Variants in EYS observed in about 807,000 individuals in gnomAD.
EYS encodes the protein protein eyes shut homolog.
Under a neutral mutation model 282.1 loss-of-function variants are expected in EYS, and 250 were observed. The observed-to-expected ratio is 0.89, with a 90% CI of 0.80 to 0.98. The LOEUF (loss-of-function observed/expected upper bound fraction) is 0.98. Ranked by LOEUF, EYS falls within the 50% of genes least tolerant of loss-of-function variation. The probability of loss-of-function intolerance (pLI) is 0.00; values close to 1 mark genes in which losing one functional copy is unlikely to be tolerated. For synonymous variants in EYS, 1,355 were observed against 1,282.9 expected, an observed-to-expected ratio of 1.06 and a Z score of -1.20; for missense variants, 4,016 against 3,709.0, an observed-to-expected ratio of 1.08 and a Z score of -2.15.
In EYS at chr6:65,413,146, T is replaced by C. The variant is rs185782526; in HGVS notation, c.863-7779A>G. Among the ~76,000 whole-genome samples the C allele has an allele frequency of 1.2e-4, 18 of 152,290 alleles. No individual in the cohort carries two copies. In the East Asian group the frequency reaches 3.3e-3, roughly 28 times the overall value. On this transcript the variant is annotated intron_variant, in intron 5 of 42. Transcript: ENST00000503581. ...AATGGAATGTTTGATGAAAAGAAAATGATCATATATGCCTAGACCCCCAAA... is the reference window on the plus strand; with the variant it reads ...AATGGAATGTTTGATGAAAAGAAAACGATCATATATGCCTAGACCCCCAAA...
intron 13 of EYS, among the ~76,000 whole-genome samples, chr6:65,010,637 A>C (rs755269858): frequency 6.6e-6 from 1 of 152,228 alleles, no homozygotes; most frequent in Non-Finnish European, 1.5e-5. Context: ...GGTCAGTGAT[A>C]ATGGAATACT....
At chr6:64,252,501 G>A (rs957403846) in intron 30 of EYS, among the ~76,000 whole-genome samples, 3 of 152,142 alleles carry the variant, frequency 2.0e-5, no homozygotes, top group South Asian at 2.1e-4. Context: ...ATGTTAAAAT[G>A]TAACCTGTTC....
intron 12 of EYS, among the ~76,000 whole-genome samples, chr6:65,174,008 T>A (rs1310327828): frequency 6.6e-6 from 1 of 151,078 alleles, no homozygotes; most frequent in Non-Finnish European, 1.5e-5. Flanking sequence ...TCTGACTTCA[T>A]AAAGATTGAA....
intron 24 of EYS, among the ~76,000 whole-genome samples, chr6:64,596,048 A>G (rs1307884443): frequency 6.6e-6 from 1 of 152,066 alleles, no homozygotes; most frequent in African/African-American, 2.4e-5. Flanking sequence ...TCACATGACA[A>G]AAGCAGGAGC....
At chr6:65,058,581 C>A (rs1019349469) in intron 12 of EYS, among the ~76,000 whole-genome samples, 17 of 150,892 alleles carry the variant, frequency 1.1e-4, no homozygotes, top group African/African-American at 3.4e-4. Context: ...TGATGAATTA[C>A]TTTTTTTCTA....
intron 22 of EYS, among the ~76,000 whole-genome samples, chr6:64,743,263 A>G (rs1409217430): frequency 6.6e-6 from 1 of 152,130 alleles, no homozygotes; most frequent in Non-Finnish European, 1.5e-5. Flanking sequence ...TAGTGCCTAC[A>G]GAACCATGGG....
Position 64,829,786 on chromosome 6 carries a change from G to T in EYS, c.2993-6964C>A, listed in dbSNP as rs570863735. On this transcript the variant is annotated intron_variant, in intron 19 of 42. Transcript: ENST00000503581. ...TAATATATGGAATTGGGAACCAGGGGGTAAAAGTGAGTGAACCGATGTGCC... is the reference window on the plus strand; with the variant it reads ...TAATATATGGAATTGGGAACCAGGGTGTAAAAGTGAGTGAACCGATGTGCC... Among the ~76,000 whole-genome samples, 22 of 152,014 alleles carry T rather than the reference G, an allele frequency of 1.4e-4. No individual in the cohort carries two copies. The East Asian group carries it at 4.1e-3, about 28-fold the overall frequency.
rs567239529 is a variant in EYS, at chr6:64,243,720, T to TA, written c.6192-12897dup. Among the ~76,000 whole-genome samples, 11 of 152,280 alleles carry TA rather than the reference T, an allele frequency of 7.2e-5. No individual in the cohort carries two copies. In the East Asian group the frequency reaches 1.9e-3, roughly 27 times the overall value. On this transcript the variant is annotated intron_variant, in intron 30 of 42. Coordinates refer to ENST00000503581, the MANE Select transcript of EYS (RefSeq NM_001142800.2). ...CAAATCATGTTATAAAAATTGCTAT[T>TA]AAACAAAACTAAAATACAACAACAT...
chr6:64,513,079 C>T (rs1777457569), intron 26 of EYS, among the ~76,000 whole-genome samples: 1 of 151,186 alleles, frequency 6.6e-6, no homozygotes, highest in Admixed American at 6.6e-5. Flanking sequence ...TCTACTTATA[C>T]TTCTATATAA....
chr6:65,062,132 T>C (rs960070788), intron 12 of EYS, among the ~76,000 whole-genome samples: 3 of 151,872 alleles, frequency 2.0e-5, no homozygotes, highest in African/African-American at 7.2e-5. Context: ...CAAATCAAAA[T>C]TTCTCCAGTC....
chr6:64,322,948 C>T (rs558701520), intron 29 of EYS, among the ~76,000 whole-genome samples: 4 of 152,216 alleles, frequency 2.6e-5, no homozygotes, highest in East Asian at 1.9e-4. Context: ...ACAATCTCTA[C>T]AGCACCTACC....
At chr6:65,325,108 T>TA (rs774107988) in intron 11 of EYS, among the ~76,000 whole-genome samples, 106 of 152,210 alleles carry the variant, frequency 7.0e-4, no homozygotes, top group Non-Finnish European at 1.2e-3. Flanking sequence ...CAAGGGGAAT[T>TA]CACATTTAGA....
chr6:65,337,152 T>C (rs1181844638), intron 10 of EYS, among the ~76,000 whole-genome samples: 1 of 151,506 alleles, frequency 6.6e-6, no homozygotes, highest in Non-Finnish European at 1.5e-5. Context: ...TAGAATCAAA[T>C]GAGAATCTGT....
At chr6:64,789,885 AT>A (rs1774135527) in intron 22 of EYS, among the ~76,000 whole-genome samples, 1 of 25,724 alleles carries the variant, frequency 3.9e-5, no homozygotes, top group Admixed American at 8.1e-4. Flanking sequence ...AAGTTGTATG[AT>A]ATATATATAT....
In EYS at chr6:64,193,199, T is replaced by C. The variant is rs571513715; in HGVS notation, c.6424+37393A>G. On this transcript the variant is annotated intron_variant, in intron 31 of 42. Transcript: ENST00000503581. ...TTTGATTGGAATTGAATTGAAGCTA[T>C]AGATAAATTGGGGCAGAATTGAAAT... Among the ~76,000 whole-genome samples, 67 of 152,358 alleles carry C rather than the reference T, an allele frequency of 4.4e-4. No homozygotes were observed. In the South Asian group the frequency reaches 0.011, roughly 25 times the overall value.
chr6:65,061,494 C>T (rs1182577024), intron 12 of EYS, among the ~76,000 whole-genome samples: 2 of 151,806 alleles, frequency 1.3e-5, no homozygotes, highest in East Asian at 1.9e-4. Context: ...TCGACATCCC[C>T]CACCAGACTG....
chr6:63,726,517 AC>A lies in EYS; in HGVS notation c.8233+1del, dbSNP rs1768621880. 2.6e-6 allele frequency: 4 copies of A among 1,548,050 alleles called. No individual in the cohort carries two copies. Among genetic ancestry groups the A allele is most frequent in the Non-Finnish European group, 3.5e-6 (4 of 1,145,274 alleles). On this transcript the variant is annotated splice_donor_variant, in intron 42 of 42. Transcript: ENST00000503581. LOFTEE classifies it high-confidence loss of function. ...TGCAAACAAACAGCCTGCCAATCTT[AC>A]CTGATTGGGCTTTTAAGTGTTGTGC... is the stretch of plus-strand genomic sequence containing the variant.
At chr6:65,646,702 C>T (rs1288354655) in intron 1 of EYS, among the ~76,000 whole-genome samples, 1 of 152,056 alleles carries the variant, frequency 6.6e-6, no homozygotes, top group Non-Finnish European at 1.5e-5. Context: ...AGATAAAAGA[C>T]ATCCAATTTG....
intron 11 of EYS, among the ~76,000 whole-genome samples, chr6:65,323,770 TA>T (rs1466555511): frequency 7.7e-6 from 1 of 130,526 alleles, no homozygotes; most frequent in Non-Finnish European, 1.6e-5. Context: ...AAAATCTATT[TA>T]ACGGCTACCT....
Sources: allele counts gnomAD v4.1 joint callset (sites outside exome capture counted in the v4.1 genomes callset), GRCh38; gene constraint gnomAD v4.1.1; transcripts MANE v1.5; gene names NCBI Gene and HGNC (gene_info 2026-07-23, HGNC 2026-07-21).